The following C13orf42 variants were observed in gnomAD, a reference collection of about 807,000 sequenced individuals.
The protein encoded by C13orf42 is chromosome 13 open reading frame 42.
At chr13:51,171,015 C>A (rs1408220764) in intron 1 of C13orf42, among the ~76,000 whole-genome samples, 1 of 151,982 alleles carries the variant, frequency 6.6e-6, no homozygotes, top group African/African-American at 2.4e-5. Flanking sequence ...TCTCTGTGCC[C>A]CCATCCCTTA....
chr13:51,159,104 A>G (rs778291270), intron 1 of C13orf42, among the ~76,000 whole-genome samples: 1 of 152,140 alleles, frequency 6.6e-6, no homozygotes, highest in Middle Eastern at 3.2e-3. Context: ...GACTTTTGCC[A>G]GTTCTGAGTC....
chr13:51,148,454 C>A (rs1171889877), intron 1 of C13orf42, among the ~76,000 whole-genome samples: 1 of 152,204 alleles, frequency 6.6e-6, no homozygotes, highest in Non-Finnish European at 1.5e-5. Flanking sequence ...ATGCAGAGAA[C>A]AATGGTGGTG....
chr13:51,172,208 C>T (rs1187085061), intron 1 of C13orf42: 1 of 152,170 alleles, frequency 6.6e-6, no homozygotes, highest in African/African-American at 2.4e-5. Flanking sequence ...TAAGCCGCGT[C>T]CCATCTGTGT....
chr13:51,169,897 G>C (rs1401826545), intron 1 of C13orf42, among the ~76,000 whole-genome samples: 1 of 152,214 alleles, frequency 6.6e-6, no homozygotes, highest in South Asian at 2.1e-4. Context: ...CCAAGCCATC[G>C]CATCCCCTGT....
intron 1 of C13orf42, among the ~76,000 whole-genome samples, chr13:51,107,018 G>T (rs1019081603): frequency 6.6e-6 from 1 of 152,172 alleles, no homozygotes; most frequent in Admixed American, 6.5e-5. Context: ...TTGCCACAGG[G>T]CCTGGCAGAG....
upstream of C13orf42, among the ~76,000 whole-genome samples, chr13:51,113,415 C>T (rs1240925834): frequency 1.3e-5 from 2 of 152,202 alleles, no homozygotes. Flanking sequence ...GGAAAGAATG[C>T]TTTCTCCCTA....
At chr13:51,132,617 C>T (rs981927859) in intron 1 of C13orf42, among the ~76,000 whole-genome samples, 1 of 152,026 alleles carries the variant, frequency 6.6e-6, no homozygotes, top group African/African-American at 2.4e-5. Context: ...CCCTACTCAG[C>T]CCAAAGAAGT....
At position 51,151,155 on chromosome 13, in the gene C13orf42, T is replaced by C. The variant is rs1460670051; in HGVS notation, n.136+21098A>G. ...TGTCACACCACATGGTAATGTTACA[T>C]ATGCGAATATGTTACACCACATGGT... On this transcript the variant is annotated intron_variant and non_coding_transcript_variant, in intron 1 of 4. Transcript: ENST00000433280. Among the ~76,000 whole-genome samples the C allele has an allele frequency of 3.3e-5, 5 of 152,360 alleles. No individual in the cohort carries two copies. The East Asian group carries it at 5.8e-4, about 18-fold the overall frequency.
intron 1 of C13orf42, among the ~76,000 whole-genome samples, chr13:51,095,151 G>T (rs1953218551): frequency 6.6e-6 from 1 of 152,184 alleles, no homozygotes; most frequent in African/African-American, 2.4e-5. Context: ...TTAGCAGTGT[G>T]AGAACAGACT....
intron 1 of C13orf42, among the ~76,000 whole-genome samples, chr13:51,127,484 T>C (rs1434283917): frequency 6.6e-6 from 1 of 152,196 alleles, no homozygotes; most frequent in Non-Finnish European, 1.5e-5. Flanking sequence ...TCTACTACCC[T>C]GCTTCTCTGT....
intron 1 of C13orf42, among the ~76,000 whole-genome samples, chr13:51,103,368 T>G (rs549537293): frequency 1.3e-5 from 2 of 152,228 alleles, no homozygotes; most frequent in South Asian, 4.2e-4. Flanking sequence ...CTTTTCCTCT[T>G]CACCTCCCAT....
At chr13:51,125,464 C>G (rs1475966289) in intron 1 of C13orf42, among the ~76,000 whole-genome samples, 1 of 152,178 alleles carries the variant, frequency 6.6e-6, no homozygotes, top group Non-Finnish European at 1.5e-5. Flanking sequence ...TTTAAACTCC[C>G]TTTGAGTGGA....
chr13:51,091,895 G>A (rs951887577), intron 1 of C13orf42, among the ~76,000 whole-genome samples: 4 of 152,260 alleles, frequency 2.6e-5, no homozygotes, highest in Non-Finnish European at 5.9e-5. Flanking sequence ...TGAGGGACGA[G>A]AACAAAACTC....
At chr13:51,112,741 G>A (rs76510977), upstream of C13orf42, among the ~76,000 whole-genome samples, 20 of 152,238 alleles carry the variant, frequency 1.3e-4, no homozygotes, top group East Asian at 1.4e-3. Flanking sequence ...GAAGGGGCGC[G>A]CTGGAGAGGT....
At chr13:51,117,654 C>T (rs1293649916) in intron 1 of C13orf42, among the ~76,000 whole-genome samples, 1 of 152,148 alleles carries the variant, frequency 6.6e-6, no homozygotes, top group African/African-American at 2.4e-5. Flanking sequence ...TCACATTCTC[C>T]TGCACCTACC....
intron 1 of C13orf42, among the ~76,000 whole-genome samples, chr13:51,165,237 T>C (rs554348096): frequency 3.3e-5 from 5 of 152,166 alleles, no homozygotes; most frequent in Non-Finnish European, 7.3e-5. Context: ...TCAAAAGCTA[T>C]AGCTCCCACC....
At chr13:51,103,596 G>A (rs1953316177) in intron 1 of C13orf42, among the ~76,000 whole-genome samples, 1 of 152,090 alleles carries the variant, frequency 6.6e-6, no homozygotes, top group African/African-American at 2.4e-5. Flanking sequence ...AGCTATTCAG[G>A]AGGCTGAAGC....
chr13:51,130,164 G>C (rs9535582), intron 1 of C13orf42, among the ~76,000 whole-genome samples: 44,324 of 152,108 alleles, frequency 0.29, 6,673 homozygotes, highest in South Asian at 0.41. Flanking sequence ...AGTAATCTTT[G>C]GGAAATAAAA....
At chr13:51,109,371 G>C (rs74085527) in intron 1 of C13orf42, among the ~76,000 whole-genome samples, 4 of 152,074 alleles carry the variant, frequency 2.6e-5, no homozygotes, top group Non-Finnish European at 5.9e-5. Flanking sequence ...AGACAGGCCT[G>C]CTTCAAACAT....
Sources: gnomAD v4.1 joint callset for allele counts (sites outside exome capture counted in the v4.1 genomes callset) on GRCh38, gnomAD v4.1.1 for gene constraint, MANE v1.5 for transcripts, NCBI Gene and HGNC (gene_info 2026-07-23, HGNC 2026-07-21) for gene names.